The following CALN1 variants were observed in gnomAD, a reference collection of about 807,000 sequenced individuals.
CALN1 encodes the protein calneuron 1, also known as calcium-binding protein 8.
CALN1 carries 17 observed loss-of-function variants against 30.6 expected under a neutral mutation model. That is an observed-to-expected ratio of 0.56 (90% CI 0.38 to 0.83). CALN1 has a LOEUF of 0.83. Among genes scored for constraint, CALN1 ranks in the 40% least tolerant of loss-of-function variants. The pLI is 0.00. For synonymous variants in CALN1, 156 were observed against 131.4 expected (o/e 1.19, Z -1.28); for missense variants, 291 against 354.9 (o/e 0.82, Z 1.45).
At chr7:72,253,866 G>C (rs543948998) in intron 3 of CALN1, among the ~76,000 whole-genome samples, 2 of 152,270 alleles carry the variant, frequency 1.3e-5, no homozygotes, top group South Asian at 4.2e-4. Context: ...TCCGCCTCCA[G>C]AGGAGCTGGG....
intron 3 of CALN1, among the ~76,000 whole-genome samples, chr7:72,181,426 T>C (rs969220654): frequency 6.6e-6 from 1 of 151,960 alleles, no homozygotes; most frequent in Non-Finnish European, 1.5e-5. Context: ...AGTTCTTAGA[T>C]AACCTGTTAG....
intron 2 of CALN1, among the ~76,000 whole-genome samples, chr7:72,281,911 A>C (rs1281374148): frequency 6.6e-6 from 1 of 152,142 alleles, no homozygotes; most frequent in African/African-American, 2.4e-5. Context: ...ACTGAATCCC[A>C]CTTGATATAC....
chr7:72,241,456 C>G (rs1490723581), intron 3 of CALN1, among the ~76,000 whole-genome samples: 1 of 152,134 alleles, frequency 6.6e-6, no homozygotes, highest in African/African-American at 2.4e-5. Context: ...CCTGTAATCC[C>G]AGCACTTTTG....
At chr7:72,318,331 A>AAC (rs1436519317) in intron 2 of CALN1, among the ~76,000 whole-genome samples, 1 of 152,132 alleles carries the variant, frequency 6.6e-6, no homozygotes, top group Non-Finnish European at 1.5e-5. Flanking sequence ...TCCTACTACC[A>AAC]ACCTCTCCAA....
intron 3 of CALN1, among the ~76,000 whole-genome samples, chr7:72,142,178 GCC>G (rs1478392292): frequency 2.6e-5 from 4 of 152,266 alleles, no homozygotes; most frequent in African/African-American, 4.8e-5. Flanking sequence ...GTGAGGCATC[GCC>G]TGACCTGGGA....
intron 3 of CALN1, among the ~76,000 whole-genome samples, chr7:72,139,238 T>G (rs1025966381): frequency 6.6e-6 from 1 of 152,180 alleles, no homozygotes; most frequent in African/African-American, 2.4e-5. Flanking sequence ...AACTGGGCCA[T>G]GTACACCTTC....
chr7:72,077,418 C>T (rs565544679), intron 4 of CALN1, among the ~76,000 whole-genome samples: 4 of 152,238 alleles, frequency 2.6e-5, no homozygotes, highest in East Asian at 1.9e-4. Context: ...GGATTACAGG[C>T]GTACACCATC....
rs1382033386 is a variant in CALN1, at chr7:71,787,785, C to T, written c.776G>A (p.Gly259Asp). 22 of 1,613,656 alleles carry T rather than the reference C, an allele frequency of 1.4e-5. No individual in the cohort carries two copies. Among genetic ancestry groups the T allele is most frequent in the Non-Finnish European group, 1.8e-5 (21 of 1,179,956 alleles). ...GCTGGCGGGAGGCTGCTACTCCATGCCGCTCCGGAGTATCTGGTTGGCTGC... is the reference window on the plus strand; with the variant it reads ...GCTGGCGGGAGGCTGCTACTCCATGTCGCTCCGGAGTATCTGGTTGGCTGC... Reference protein sequence around the residue: ...LIAANQILRSGME With the variant: ...LIAANQILRSDME The change falls in exon 7 of 7, where the codon GGC becomes GAC. Residue 259 changes from glycine to aspartate, a missense_variant. Physicochemically the swap from Gly to Asp is moderately conservative, Grantham distance 94. Transcript: ENST00000395275.
chr7:72,210,970 C>A (rs1420959270), intron 3 of CALN1, among the ~76,000 whole-genome samples: 1 of 151,900 alleles, frequency 6.6e-6, no homozygotes. Flanking sequence ...CAGGGGGATC[C>A]TTTAACCCAG....
At chr7:72,205,565 T>TAC (rs1791794653) in intron 3 of CALN1, among the ~76,000 whole-genome samples, 3 of 116,756 alleles carry the variant, frequency 2.6e-5, no homozygotes, top group African/African-American at 1.1e-4. Flanking sequence ...TATATATATA[T>TAC]ATGTATATAT....
intron 5 of CALN1, among the ~76,000 whole-genome samples, chr7:72,011,552 C>G (rs1353896064): frequency 6.6e-6 from 1 of 152,212 alleles, no homozygotes; most frequent in African/African-American, 2.4e-5. Flanking sequence ...ACCTGACTGA[C>G]CCCAAGAGGT....
At chr7:71,819,231 A>T (rs1788452471) in intron 5 of CALN1, among the ~76,000 whole-genome samples, 2 of 145,754 alleles carry the variant, frequency 1.4e-5, no homozygotes, top group Admixed American at 1.4e-4. Flanking sequence ...TTTTTGAGAC[A>T]GGGTTTCACT....
intron 2 of CALN1, among the ~76,000 whole-genome samples, chr7:72,303,981 T>C (rs932858033): frequency 6.6e-6 from 1 of 152,234 alleles, no homozygotes; most frequent in African/African-American, 2.4e-5. Context: ...TCTTTGGTTT[T>C]GAATTTGAAA....
intron 3 of CALN1, among the ~76,000 whole-genome samples, chr7:72,198,975 T>C (rs1428947525): frequency 6.6e-6 from 1 of 151,916 alleles, no homozygotes; most frequent in Non-Finnish European, 1.5e-5. Context: ...TGAGTAGAGG[T>C]TTAAAATGGT....
chr7:72,294,208 CTTAAA>C (rs1315028027), intron 2 of CALN1, among the ~76,000 whole-genome samples: 3 of 152,174 alleles, frequency 2.0e-5, no homozygotes, highest in East Asian at 1.9e-4. Context: ...GAATGGGTCA[CTTAAA>C]TTAAAATAAG....
In CALN1 at chr7:72,370,241, C is replaced by T. The variant is rs1227460111; in HGVS notation, c.119+33010G>A. On this transcript the variant is annotated intron_variant, in intron 2 of 6. Transcript: ENST00000395275. ...ATGATGTTGAATATCTTCTCAGATGCTTATTTGCCATCTGTATATCTTTTT... is the reference window on the plus strand; with the variant it reads ...ATGATGTTGAATATCTTCTCAGATGTTTATTTGCCATCTGTATATCTTTTT... 3.3e-5 allele frequency among the ~76,000 whole-genome samples: 5 copies of T among 152,138 alleles called. No individual in the cohort carries two copies. In the East Asian group the frequency reaches 5.8e-4, roughly 18 times the overall value.
At chr7:71,879,692 A>G (rs1365433577) in intron 5 of CALN1, among the ~76,000 whole-genome samples, 1 of 152,222 alleles carries the variant, frequency 6.6e-6, no homozygotes. Context: ...AACTATCAGC[A>G]TCTTTCTAAA....
intron 2 of CALN1, among the ~76,000 whole-genome samples, chr7:72,387,036 A>T (rs577611897): frequency 9.0e-4 from 136 of 151,830 alleles, no homozygotes; most frequent in African/African-American, 2.7e-3. Context: ...TGCCAGAAAG[A>T]AAGTTCTCAA....
chr7:71,977,438 A>T (rs1798154004), intron 5 of CALN1, among the ~76,000 whole-genome samples: 1 of 152,086 alleles, frequency 6.6e-6, no homozygotes, highest in Admixed American at 6.5e-5. Flanking sequence ...CTGTTTCAAA[A>T]TTTTTAAATA....
Sources: gnomAD v4.1 joint callset for allele counts (sites outside exome capture counted in the v4.1 genomes callset) on GRCh38, gnomAD v4.1.1 for gene constraint, MANE v1.5 for transcripts, NCBI Gene and HGNC (gene_info 2026-07-23, HGNC 2026-07-21) for gene names.